GALNS: variants seen among roughly 807,000 people sequenced by gnomAD.
GALNS encodes the protein N-acetylgalactosamine-6-sulfatase.
In GALNS, 65 loss-of-function variants were observed where a neutral mutation model predicts 65.9. The ratio of observed to expected loss-of-function variants is 0.99; its 90% CI spans 0.81 to 1.21. The LOEUF is 1.21. Among genes scored for constraint, GALNS ranks in the 50% most tolerant of loss-of-function variants. The probability of loss-of-function intolerance (pLI) is 0.00; values close to 1 mark genes in which losing one functional copy is unlikely to be tolerated. For synonymous variants in GALNS, 346 were observed against 288.9 expected (o/e 1.20, Z -2.00); for missense variants, 776 against 700.7 (o/e 1.11, Z -1.21).
intron 1 of GALNS, among the ~76,000 whole-genome samples, chr16:88,854,579 C>T (rs528892053): frequency 6.6e-6 from 1 of 152,244 alleles, no homozygotes; most frequent in Admixed American, 6.5e-5. Flanking sequence ...TGCCCCTCCC[C>T]CAGTGTGCTT....
At chr16:88,820,253 C>T (rs1211080219) in intron 12 of GALNS, among the ~76,000 whole-genome samples, 1 of 152,034 alleles carries the variant, frequency 6.6e-6, no homozygotes, top group African/African-American at 2.4e-5. Context: ...CTCACCTTCT[C>T]GAGTAGCTGG....
chr16:88,818,009 T>A lies in GALNS; in HGVS notation c.1480A>T (p.Met494Leu), dbSNP rs1401175486. Residue 494 changes from methionine (M) to leucine (L), a missense_variant and splice_region_variant, in exon 13 of 14, where the codon ATG becomes TTG. Coordinates refer to ENST00000268695, the MANE Select transcript of GALNS (RefSeq NM_000512.5). ...PQLNVCNWAV[M>L]NWAPPGCEKL... The stretch of plus-strand genomic sequence containing the variant: ...CCGCCCACACACCAGCCACTTACCA[T>A]GACCGCCCAGTTGCACACGTTGAGC... 1.3e-6 allele frequency: 2 copies of A among 1,581,132 alleles called. No homozygotes were observed. Among genetic ancestry groups the A allele is most frequent in the Non-Finnish European group, 1.7e-6 (2 of 1,169,236 alleles).
chr16:88,822,850 G>T, intron 11 of GALNS, 140 bp from the exon 12 acceptor site: 1 of 1,322,798 alleles, frequency 7.6e-7, no homozygotes, highest in Non-Finnish European at 1.0e-6. Flanking sequence ...CTAACTGGGG[G>T]CCGTGGGGGG....
At chr16:88,817,143 C>A in intron 13 of GALNS, 1 of 985,478 alleles carries the variant, frequency 1.0e-6, no homozygotes, top group Non-Finnish European at 1.2e-6. Context: ...ACTGCACACG[C>A]GGGATGGCTG....
intron 2 of GALNS, 125 bp from the exon 3 acceptor site, chr16:88,842,096 G>A (rs1967003232): frequency 1.2e-6 from 1 of 841,322 alleles, no homozygotes; most frequent in South Asian, 1.4e-5. Context: ...TTTACAAGGG[G>A]CTGCCACGCC....
chr16:88,831,042 C>T (rs1020071186), intron 9 of GALNS, among the ~76,000 whole-genome samples: 12 of 152,224 alleles, frequency 7.9e-5, no homozygotes, highest in Non-Finnish European at 1.6e-4. Flanking sequence ...AGGACTGCTG[C>T]GGTGACTGGA....
At chr16:88,840,070 G>A (rs1438550631) in intron 4 of GALNS, among the ~76,000 whole-genome samples, 2 of 152,328 alleles carry the variant, frequency 1.3e-5, no homozygotes, top group South Asian at 4.1e-4. Flanking sequence ...CCTGTGTGAG[G>A]ACTCTGCAGC....
At position 88,835,859 on chromosome 16, in the gene GALNS, G is replaced by T; in HGVS notation, c.634-10C>A. 2 of 1,613,940 alleles carry T rather than the reference G, an allele frequency of 1.2e-6. No homozygotes were observed. Among genetic ancestry groups the T allele is most frequent in the Non-Finnish European group, 1.7e-6 (2 of 1,179,996 alleles). On this transcript the variant is annotated splice_polypyrimidine_tract_variant and intron_variant, in intron 6 of 13. Transcript: ENST00000268695. ...TGAAGTCCAGGGCTTCCTATGGAGA[G>T]AGCCACACCGTCGTCCTCCAGCCTC...
intron 12 of GALNS, among the ~76,000 whole-genome samples, chr16:88,819,312 G>A (rs1319584621): frequency 1.3e-5 from 2 of 151,972 alleles, no homozygotes; most frequent in Admixed American, 1.3e-4. Context: ...AGGGCTCCCC[G>A]CTTGGTGCCC....
chr16:88,836,062 G>T (rs1338920439), intron 6 of GALNS, 139 bp downstream of exon 6: 3 of 1,107,190 alleles, frequency 2.7e-6, no homozygotes, highest in Non-Finnish European at 4.0e-6. Context: ...ACGGGGCGAG[G>T]GTGATGAGGT....
intron 1 of GALNS, among the ~76,000 whole-genome samples, chr16:88,851,530 G>C (rs969455350): frequency 2.0e-5 from 3 of 152,162 alleles, no homozygotes; most frequent in African/African-American, 7.2e-5. Context: ...GCAGCCCATG[G>C]AGGGTGAGCC....
At chr16:88,851,832 G>A (rs1967522221) in intron 1 of GALNS, among the ~76,000 whole-genome samples, 2 of 152,264 alleles carry the variant, frequency 1.3e-5, no homozygotes, top group South Asian at 2.1e-4. Flanking sequence ...GCTGAGGCTT[G>A]AGTAGGTAAA....
intron 1 of GALNS, chr16:88,855,070 T>C (rs1967725926): frequency 2.4e-6 from 1 of 410,492 alleles, no homozygotes; most frequent in Non-Finnish European, 4.8e-6. Context: ...GTAGGGTGAG[T>C]CCACATGCAA....
At chr16:88,820,644 G>A (rs147599806) in intron 12 of GALNS, among the ~76,000 whole-genome samples, 6 of 152,354 alleles carry the variant, frequency 3.9e-5, no homozygotes, top group African/African-American at 1.4e-4. Flanking sequence ...TTCTCCAGCT[G>A]TGAGGGCGGG....
chr16:88,842,996 G>A (rs1239008554), intron 1 of GALNS, 167 bp from the exon 2 acceptor site: 11 of 1,508,354 alleles, frequency 7.3e-6, no homozygotes, highest in Admixed American at 2.0e-5. Context: ...GCCTGCGTGC[G>A]TGCACGATGG....
intron 12 of GALNS, 83 bp from the exon 13 acceptor site, chr16:88,818,207 A>G (rs1440282173): frequency 7.1e-6 from 8 of 1,120,218 alleles, no homozygotes; most frequent in African/African-American, 1.5e-5. Context: ...CTGAGGCTGC[A>G]GAGCTCTAAC....
rs577491522 is a variant in GALNS, at chr16:88,832,061, C to T, written c.939G>A (p.Thr313=). ...NGPFLCGKQT[T]FEGGMREPAL... is the part of the protein sequence containing the mutation. ...CAGGCTCCCTCATCCCTCCTTCAAA[C>T]GTGGTCTGCTTCCCACACAGAAAGG... Residue 313 remains threonine, a synonymous_variant, in exon 9 of 14, where the codon ACG becomes ACA. Transcript: ENST00000268695. The T allele has an allele frequency of 8.1e-5, 131 of 1,613,912 alleles. 1 individual carries two copies. Among genetic ancestry groups the T allele is most frequent in the Middle Eastern group, 1.7e-4 (1 of 6,048 alleles).
At chr16:88,824,941 G>C in intron 10 of GALNS, 72 bp from the exon 11 acceptor site, 1 of 1,231,894 alleles carries the variant, frequency 8.1e-7, no homozygotes, top group Non-Finnish European at 1.2e-6. Context: ...GCTCTGGGCT[G>C]CGTCTGTCAT....
intron 9 of GALNS, among the ~76,000 whole-genome samples, chr16:88,831,006 G>A (rs1301296570): frequency 1.3e-5 from 2 of 152,238 alleles, no homozygotes; most frequent in African/African-American, 2.4e-5. Context: ...CTGCAGGGAA[G>A]AAACCTGTTT....
Sources: allele counts gnomAD v4.1 joint callset (sites outside exome capture counted in the v4.1 genomes callset), GRCh38; gene constraint gnomAD v4.1.1; transcripts MANE v1.5; gene names NCBI Gene and HGNC (gene_info 2026-07-23, HGNC 2026-07-21).